DRC7: variants seen among roughly 807,000 people sequenced by gnomAD.
The protein encoded by DRC7 is dynein regulatory complex subunit 7, also known as coiled-coil domain containing 135.
DRC7 carries 80 observed loss-of-function variants against 104.4 expected under a neutral mutation model. The ratio of observed to expected loss-of-function variants is 0.77; its 90% CI spans 0.64 to 0.92. The LOEUF is 0.92. DRC7 is among the 40% of genes least tolerant of loss of function. DRC7 has a pLI of 0.00. For synonymous variants in DRC7, 405 were observed against 447.3 expected, an observed-to-expected ratio of 0.91 and a Z score of 1.19; for missense variants, 1,034 against 1,141.1, an observed-to-expected ratio of 0.91 and a Z score of 1.35.
In DRC7 at chr16:57,698,069, G is replaced by C. The variant is rs1221705234; in HGVS notation, c.120G>C (p.Glu40Asp). 1 of 1,614,030 alleles carries C rather than the reference G, an allele frequency of 6.2e-7. No individual in the cohort carries two copies. Among genetic ancestry groups the C allele is most frequent in the Admixed American group, 1.7e-5 (1 of 59,998 alleles). Residue 40 changes from glutamate to aspartate, a missense_variant, in exon 3 of 19, where the codon GAG (glutamate) becomes GAC (aspartate). Coordinates refer to ENST00000360716, the MANE Select transcript of DRC7 (RefSeq NM_001289162.2). ...TGAGGCCAGTTGAGGTGCGGAAGGA[G>C]GAAATCACCTTAAAGCAGGAGACGC... is the stretch of plus-strand genomic sequence containing the variant. ...KMMRPVEVRK[E>D]EITLKQETLR... is the part of the protein sequence containing the mutation.
intron 8 of DRC7, among the ~76,000 whole-genome samples, chr16:57,711,689 T>A (rs781266527): frequency 7.9e-5 from 12 of 152,198 alleles, no homozygotes; most frequent in Non-Finnish European, 1.6e-4. Flanking sequence ...AGACCAGAGT[T>A]TTGTTATTAC....
intron 6 of DRC7, 114 bp from the exon 7 acceptor site, chr16:57,704,762 G>T (rs1355741423): frequency 1.6e-6 from 2 of 1,236,624 alleles, no homozygotes; most frequent in African/African-American, 3.0e-5. Context: ...GGCTACAGGA[G>T]TAGCTGCCAT....
In DRC7 at chr16:57,726,146, G is replaced by A; in HGVS notation, c.1837G>A (p.Glu613Lys). The A allele has an allele frequency of 6.2e-7, 1 of 1,613,186 alleles. No individual in the cohort carries two copies. The highest frequency in any genetic ancestry group is 8.5e-7 in the Non-Finnish European group (1 of 1,180,032). The change falls in exon 14 of 19, where the codon GAG becomes AAG. Residue 613 changes from glutamate (E) to lysine (K), a missense_variant. Glu to Lys is a moderately conservative substitution (Grantham distance 56). Coordinates refer to ENST00000360716, the MANE Select transcript of DRC7 (RefSeq NM_001289162.2). ...GGCAGAGCGCGTGTTTCTGGTCGCG[G>A]AGGAGCGCATCCAGCTGCGCTACCA... ...DVAERVFLVA[E>K]ERIQLRYHCR... is the part of the protein sequence containing the mutation.
rs764078056 is a variant in DRC7, at chr16:57,728,503, G to A, written c.2310G>A (p.Val770=). Residue 770 remains valine, a synonymous_variant, in exon 17 of 19, where the codon GTG becomes GTA. Coordinates refer to ENST00000360716, the MANE Select transcript of DRC7 (RefSeq NM_001289162.2). The part of the protein sequence containing the change: ...PGEKLTCWQA[V]RLKDECLSDF... ...AGAAACTAACATGCTGGCAGGCGGT[G>A]CGCCTCAAGGATGAGTGCCTCAGCG... 9.3e-6 allele frequency: 15 copies of A among 1,612,176 alleles called. No individual in the cohort carries two copies. The Admixed American group carries it at 2.0e-4, about 22-fold the overall frequency.
In DRC7 at chr16:57,714,088, A is replaced by C. The variant is rs371233400; in HGVS notation, c.1078-4259A>C. On this transcript the variant is annotated intron_variant, in intron 8 of 18. Transcript: ENST00000360716. ...CTTTGACCGAGTTATCATGGAGATA[A>C]CTCAAGTGATAATCACTCGTTCTGT... 1.1e-3 allele frequency: 211 copies of C among 196,890 alleles called. 6 individuals carry two copies. In the South Asian group the frequency reaches 0.018, roughly 17 times the overall value. 12.2% of individuals were successfully genotyped at this position (196,890 alleles called of 1,614,324 possible). A position where few individuals can be genotyped will look rare whatever the true frequency, so the allele number is the denominator to read the frequency against.
intron 8 of DRC7, chr16:57,714,412 G>A (rs890962858): frequency 2.5e-5 from 4 of 159,878 alleles, no homozygotes; most frequent in Non-Finnish European, 5.5e-5. Context: ...CTTGAGCTCA[G>A]GAGTTTGAGA....
rs2148729441 is a variant in DRC7 at position 57,698,938 on chromosome 16, G to T, written c.292G>T (p.Ala98Ser). The T allele has an allele frequency of 6.2e-7, 1 of 1,614,076 alleles. No individual in the cohort carries two copies. Among genetic ancestry groups the T allele is most frequent in the Non-Finnish European group, 8.5e-7 (1 of 1,179,994 alleles). Reference sequence around the variant, plus strand: ...CAAGGAGGAACACCTGCTGCAGGTGGCAGACAACTTCTCCCGCCAGTACAG... The same window carrying T: ...CAAGGAGGAACACCTGCTGCAGGTGTCAGACAACTTCTCCCGCCAGTACAG... ...TPKEEHLLQV[A>S]DNFSRQYSHL... The change falls in exon 4 of 19, where the codon GCA (alanine) becomes TCA (serine). Residue 98 changes from alanine to serine, a missense_variant. Physicochemically the swap from Ala to Ser is moderately conservative, Grantham distance 99. Transcript: ENST00000360716.
chr16:57,714,021 G>A, intron 8 of DRC7: 1 of 208,390 alleles, frequency 4.8e-6, no homozygotes, highest in Non-Finnish European at 1.0e-5. Flanking sequence ...AAGTTTTGCA[G>A]TAGTCAGGAC....
rs867604105 is a variant in DRC7 at position 57,721,673 on chromosome 16, G to C, written c.1213G>C (p.Glu405Gln). The C allele has an allele frequency of 6.2e-7, 1 of 1,613,392 alleles. No homozygotes were observed. Among genetic ancestry groups the C allele is most frequent in the Non-Finnish European group, 8.5e-7 (1 of 1,179,462 alleles). The stretch of plus-strand genomic sequence containing the variant: ...CCCCCTTCTCTCCCATCAGGGCAAG[G>C]AGGATGAGGATAAGAGCTTCGACAT... Reference protein sequence around the residue: ...DEDDVENLGKEDEDKSFDMPH... With the variant: ...DEDDVENLGKQDEDKSFDMPH... Residue 405 changes from glutamate (E) to glutamine (Q), a missense_variant, in exon 10 of 19, where the codon GAG becomes CAG. Glu to Gln is a conservative substitution (Grantham distance 29). Coordinates refer to ENST00000360716, the MANE Select transcript of DRC7 (RefSeq NM_001289162.2).
At chr16:57,722,889 G>A (rs2048919623) in intron 11 of DRC7, 48 bp downstream of exon 11, 1 of 1,612,412 alleles carries the variant, frequency 6.2e-7, no homozygotes, top group African/African-American at 1.3e-5. Context: ...CCAGGGGCGG[G>A]GGCGGCTTCT....
intron 16 of DRC7, among the ~76,000 whole-genome samples, chr16:57,727,908 G>A (rs182299836): frequency 1.3e-4 from 20 of 152,350 alleles, no homozygotes; most frequent in Admixed American, 2.6e-4. Flanking sequence ...TCAGATGACT[G>A]TTCTCAGATC....
intron 15 of DRC7, 128 bp downstream of exon 15, chr16:57,727,070 C>T: frequency 1.5e-6 from 1 of 669,108 alleles, no homozygotes; most frequent in Non-Finnish European, 2.6e-6. Context: ...AGGTGGTCCT[C>T]CCACCTCATC....
chr16:57,727,511 G>A (rs563557541), intron 16 of DRC7, 102 bp downstream of exon 16: 25 of 802,970 alleles, frequency 3.1e-5, no homozygotes, highest in African/African-American at 1.9e-4. Flanking sequence ...CCCTCTGTGG[G>A]GGATACGGTT....
chr16:57,707,604 T>C lies in DRC7; in HGVS notation c.1003T>C (p.Phe335Leu). The change falls in exon 8 of 19, where the codon TTC (phenylalanine) becomes CTC (leucine). Residue 335 changes from phenylalanine (F) to leucine (L), a missense_variant. By Grantham distance (22) the Phe-to-Leu change is conservative. Coordinates refer to ENST00000360716, the MANE Select transcript of DRC7 (RefSeq NM_001289162.2). The part of the protein sequence containing the change: ...GHSYSTQDEH[F>L]LGIESLWNHK... ...TAGCTACAGCACCCAGGATGAGCAC[T>C]TCCTGGGCATCGAAAGCCTGTGGAA... 1 of 1,613,614 alleles carries C rather than the reference T, an allele frequency of 6.2e-7. No individual in the cohort carries two copies. The highest frequency in any genetic ancestry group is 8.5e-7 in the Non-Finnish European group (1 of 1,180,016).
At chr16:57,725,118 T>C (rs1597810991) in intron 13 of DRC7, among the ~76,000 whole-genome samples, 1 of 151,578 alleles carries the variant, frequency 6.6e-6, no homozygotes, top group African/African-American at 2.4e-5. Context: ...GGCAGAAGGG[T>C]CCTTTTCACC....
chr16:57,722,887 G>T, intron 11 of DRC7, 46 bp downstream of exon 11: 1 of 1,612,440 alleles, frequency 6.2e-7, no homozygotes, highest in Non-Finnish European at 8.5e-7. Flanking sequence ...GCCCAGGGGC[G>T]GGGGCGGCTT....
chr16:57,715,406 G>T (rs1441113448), intron 8 of DRC7, among the ~76,000 whole-genome samples: 2 of 152,202 alleles, frequency 1.3e-5, no homozygotes, highest in African/African-American at 4.8e-5. Context: ...GTAAATAAGT[G>T]TCAGAGGGGC....
At chr16:57,697,030 A>T (rs1288765454) in intron 2 of DRC7, among the ~76,000 whole-genome samples, 1 of 152,136 alleles carries the variant, frequency 6.6e-6, no homozygotes, top group Non-Finnish European at 1.5e-5. Flanking sequence ...CTCCTGCCTC[A>T]GACTCCTGAG....
intron 17 of DRC7, among the ~76,000 whole-genome samples, chr16:57,730,028 G>A (rs2049038495): frequency 7.3e-6 from 1 of 137,368 alleles, no homozygotes; most frequent in Non-Finnish European, 1.5e-5. Context: ...TTGGATGGAT[G>A]AGTGGAAGGA....
Sources: allele counts gnomAD v4.1 joint callset (sites outside exome capture counted in the v4.1 genomes callset), GRCh38; gene constraint gnomAD v4.1.1; transcripts MANE v1.5; gene names NCBI Gene and HGNC (gene_info 2026-07-23, HGNC 2026-07-21).